HTR7: variants seen among roughly 807,000 people sequenced by gnomAD.
HTR7 encodes 5-hydroxytryptamine receptor 7, also known as 5-HT-7.
HTR7 carries 16 observed loss-of-function variants against 34.0 expected under a neutral mutation model. That is an observed-to-expected ratio of 0.47 (90% CI 0.32 to 0.71). The LOEUF is 0.71. HTR7 is among the 30% of genes least tolerant of loss of function. The pLI, the probability that HTR7 is intolerant of heterozygous loss-of-function variation, is 0.04. For missense variants in HTR7, 504 were observed against 625.5 expected (o/e 0.81, Z 2.07); for synonymous variants, 265 against 260.2 (o/e 1.02, Z -0.18).
chr10:90,742,431 C>G lies in HTR7; in HGVS notation c.*51G>C. 2 of 1,420,860 alleles carry G rather than the reference C, an allele frequency of 1.4e-6. No homozygotes were observed. The highest frequency in any genetic ancestry group is 2.0e-6 in the Non-Finnish European group (2 of 1,020,514). 88.0% of individuals were successfully genotyped at this position (1,420,860 alleles called of 1,614,324 possible). Reference sequence around the variant, plus strand: ...TGCAGACTCAGCAAATGACTTCCTTCTGTTTCCACCTCTATTTTGCCTTGT... The same window carrying G: ...TGCAGACTCAGCAAATGACTTCCTTGTGTTTCCACCTCTATTTTGCCTTGT... On this transcript the variant is annotated 3_prime_UTR_variant, in exon 4 of 4. Coordinates refer to ENST00000336152, the MANE Select transcript of HTR7 (RefSeq NM_019859.4).
In HTR7 at chr10:90,799,115, A is replaced by G. The variant is rs1463406757; in HGVS notation, c.540-49521T>C. On this transcript the variant is annotated intron_variant, in intron 1 of 3. Transcript: ENST00000336152. ...CAGCTGGCACCATATAGATTGATAAACTGGCTCATCTGATCTTGTAGCCCC... is the reference window on the plus strand; with the variant it reads ...CAGCTGGCACCATATAGATTGATAAGCTGGCTCATCTGATCTTGTAGCCCC... 2.0e-5 allele frequency among the ~76,000 whole-genome samples: 3 copies of G among 152,204 alleles called. No individual in the cohort carries two copies. The East Asian group carries it at 5.8e-4, about 29-fold the overall frequency.
At chr10:90,799,326 C>G (rs923142156) in intron 1 of HTR7, among the ~76,000 whole-genome samples, 1 of 149,320 alleles carries the variant, frequency 6.7e-6, no homozygotes, top group Non-Finnish European at 1.5e-5. Flanking sequence ...GTTTCCCGCA[C>G]AGCCGGCTCT....
intron 1 of HTR7, among the ~76,000 whole-genome samples, chr10:90,779,424 G>C (rs1201675452): frequency 6.6e-6 from 1 of 152,172 alleles, no homozygotes; most frequent in African/African-American, 2.4e-5. Context: ...CCTGCGTTTT[G>C]CTCCAGCCTC....
At chr10:90,831,454 A>G (rs1222311948) in intron 1 of HTR7, among the ~76,000 whole-genome samples, 1 of 152,022 alleles carries the variant, frequency 6.6e-6, no homozygotes, top group East Asian at 1.9e-4. Context: ...GAAGCTGCAA[A>G]TCTTCGCTGT....
At chr10:90,793,593 C>T (rs1845493042) in intron 1 of HTR7, among the ~76,000 whole-genome samples, 1 of 146,836 alleles carries the variant, frequency 6.8e-6, no homozygotes, top group Non-Finnish European at 1.5e-5. Context: ...TGTACCTCAA[C>T]TAAGACACTG....
At chr10:90,832,118 TG>T (rs1185849324) in intron 1 of HTR7, among the ~76,000 whole-genome samples, 1 of 152,218 alleles carries the variant, frequency 6.6e-6, no homozygotes, top group Non-Finnish European at 1.5e-5. Flanking sequence ...CTTCACCCAG[TG>T]GATCTGGCAC....
At chr10:90,789,294 T>C (rs1456080761) in intron 1 of HTR7, among the ~76,000 whole-genome samples, 1 of 152,028 alleles carries the variant, frequency 6.6e-6, no homozygotes, top group Admixed American at 6.6e-5. Context: ...TCTTTTGTGA[T>C]TTTTTTTGCC....
intron 1 of HTR7, among the ~76,000 whole-genome samples, chr10:90,750,362 A>C (rs1844714928): frequency 1.3e-5 from 2 of 152,228 alleles, no homozygotes; most frequent in Non-Finnish European, 2.9e-5. Context: ...AGTTCTATAG[A>C]GGGAATAAAT....
intron 1 of HTR7, among the ~76,000 whole-genome samples, chr10:90,831,485 G>A (rs751923974): frequency 1.3e-5 from 2 of 152,210 alleles, no homozygotes; most frequent in African/African-American, 4.8e-5. Flanking sequence ...GCTCATAAAA[G>A]CAGTGTGGAC....
chr10:90,851,381 C>A (rs546839462), intron 1 of HTR7, among the ~76,000 whole-genome samples: 2 of 151,544 alleles, frequency 1.3e-5, no homozygotes, highest in East Asian at 1.9e-4. Flanking sequence ...CCAAGGCGGG[C>A]GGATCATGAG....
chr10:90,809,887 G>A (rs1283762985), intron 1 of HTR7, among the ~76,000 whole-genome samples: 3 of 152,186 alleles, frequency 2.0e-5, no homozygotes, highest in South Asian at 2.1e-4. Context: ...TTGGCTTAGC[G>A]GCTGAAGACT....
chr10:90,823,552 C>T (rs1846021986), intron 1 of HTR7, among the ~76,000 whole-genome samples: 1 of 152,104 alleles, frequency 6.6e-6, no homozygotes, highest in Non-Finnish European at 1.5e-5. Flanking sequence ...TCACATGAGA[C>T]TTTGGACTTG....
At chr10:90,853,616 T>C (rs1846533897) in intron 1 of HTR7, among the ~76,000 whole-genome samples, 1 of 152,088 alleles carries the variant, frequency 6.6e-6, no homozygotes, top group Non-Finnish European at 1.5e-5. Context: ...GTAATTTGAT[T>C]TCTATTTTTA....
chr10:90,852,207 A>C (rs1052414849), intron 1 of HTR7, among the ~76,000 whole-genome samples: 2 of 152,058 alleles, frequency 1.3e-5, no homozygotes, highest in Admixed American at 1.3e-4. Context: ...TGAAGTAAAA[A>C]AAAAAAAGTT....
chr10:90,755,216 AAATCATTATG>A (rs1231292026), intron 1 of HTR7, among the ~76,000 whole-genome samples: 1 of 152,230 alleles, frequency 6.6e-6, no homozygotes, highest in African/African-American at 2.4e-5. Flanking sequence ...TAGCCTAACA[AAATCATTATG>A]AATCATGTTT....
intron 1 of HTR7, among the ~76,000 whole-genome samples, chr10:90,821,506 C>A (rs772410576): frequency 3.9e-5 from 6 of 152,212 alleles, no homozygotes; most frequent in African/African-American, 7.2e-5. Flanking sequence ...CAAGCCTTGC[C>A]ACTGCAGGCT....
At chr10:90,785,025 C>T (rs148456543) in intron 1 of HTR7, among the ~76,000 whole-genome samples, 19 of 152,330 alleles carry the variant, frequency 1.2e-4, no homozygotes, top group Admixed American at 1.0e-3. Context: ...TCCAGAAAGA[C>T]TCTCTGATCT....
intron 2 of HTR7, among the ~76,000 whole-genome samples, chr10:90,747,043 C>A (rs1337316232): frequency 6.6e-6 from 1 of 152,180 alleles, no homozygotes; most frequent in Non-Finnish European, 1.5e-5. Context: ...GCATAACATT[C>A]AATACAAGCA....
intron 2 of HTR7, among the ~76,000 whole-genome samples, chr10:90,747,110 A>G (rs1844651291): frequency 6.6e-6 from 1 of 152,230 alleles, no homozygotes; most frequent in South Asian, 2.1e-4. Context: ...TAGGTCAGTT[A>G]CTTTTGTTCC....
Sources: allele counts gnomAD v4.1 joint callset (sites outside exome capture counted in the v4.1 genomes callset), GRCh38; gene constraint gnomAD v4.1.1; transcripts MANE v1.5; gene names NCBI Gene and HGNC (gene_info 2026-07-23, HGNC 2026-07-21).